STT3A: variants seen among roughly 807,000 people sequenced by gnomAD.
STT3A encodes the protein dolichyl-diphosphooligosaccharide--protein glycosyltransferase subunit STT3A.
In STT3A, 34 loss-of-function variants were observed where a neutral mutation model predicts 89.2. That is an observed-to-expected ratio of 0.38 (90% confidence interval 0.29 to 0.51). STT3A has a LOEUF of 0.51. Ranked by LOEUF, STT3A falls within the 20% of genes least tolerant of loss-of-function variation. STT3A has a pLI of 0.89. For missense variants in STT3A, 555 were observed against 889.5 expected, an observed-to-expected ratio of 0.62 and a Z score of 4.78; for synonymous variants, 282 against 310.3, an observed-to-expected ratio of 0.91 and a Z score of 0.96.
chr11:125,614,225 T>C lies in STT3A; in HGVS notation c.1671+22T>C. ...GCAGGTAAGATAAAGGGATGATCTT[T>C]GAGTGTTTGGTGTACAAGGTCTAAT... On this transcript the variant is annotated intron_variant, in intron 14 of 17. Coordinates refer to ENST00000392708, the MANE Select transcript of STT3A (RefSeq NM_152713.5). The surrounding 1 kb of genome is among the most constrained non-coding windows in gnomAD (Gnocchi z 4.9). 1 of 1,612,786 alleles carries C rather than the reference T, an allele frequency of 6.2e-7. No individual in the cohort carries two copies. Among genetic ancestry groups the C allele is most frequent in the Non-Finnish European group, 8.5e-7 (1 of 1,178,796 alleles).
At position 125,597,236 on chromosome 11, in the gene STT3A, A is replaced by AG. The variant is rs1163876918; in HGVS notation, c.149+120dup. On this transcript the variant is annotated intron_variant, in intron 3 of 17. Coordinates refer to ENST00000392708, the MANE Select transcript of STT3A (RefSeq NM_152713.5). ...TAGAGATGTGCTTTCAGTACATTTA[A>AG]GGGAAAAAAAAACCCTTAAATTCTT... 4 of 1,074,760 alleles carry AG rather than the reference A, an allele frequency of 3.7e-6. No homozygotes were observed. In the East Asian group the frequency reaches 7.1e-5, roughly 19 times the overall value. 66.6% of individuals were successfully genotyped at this position (1,074,760 alleles called of 1,614,324 possible).
intron 3 of STT3A, among the ~76,000 whole-genome samples, chr11:125,599,195 C>G (rs1236876029): frequency 1.3e-5 from 2 of 152,306 alleles, no homozygotes; most frequent in African/African-American, 4.8e-5. Context: ...GTCTGCAACC[C>G]TCATCTCTTC....
At chr11:125,597,844 G>A (rs1404989767) in intron 3 of STT3A, among the ~76,000 whole-genome samples, 1 of 152,168 alleles carries the variant, frequency 6.6e-6, no homozygotes, top group Non-Finnish European at 1.5e-5. Context: ...TTTGTTCCAA[G>A]CACTAATTTA....
At position 125,614,012 on chromosome 11, in the gene STT3A, G is replaced by T; in HGVS notation, c.1555-75G>T. On this transcript the variant is annotated intron_variant, in intron 13 of 17. Coordinates refer to ENST00000392708, the MANE Select transcript of STT3A (RefSeq NM_152713.5). This position sits in a 1 kb window ranked among gnomAD's most constrained non-coding sequence, Gnocchi z 4.9. ...CAGGTGTCACTTCTGTCAGACCAAA[G>T]ATGCCTTCTCTGTTGCATTTGATTT... The T allele has an allele frequency of 7.5e-7, 1 of 1,326,592 alleles. No individual in the cohort carries two copies. 82.2% of individuals were successfully genotyped at this position (1,326,592 alleles called of 1,614,324 possible).
In STT3A at chr11:125,620,935, T is replaced by C. The variant is rs1187247295; in HGVS notation, c.*125T>C. The C allele has an allele frequency of 6.3e-6, 5 of 790,644 alleles. No individual in the cohort carries two copies. Among genetic ancestry groups the C allele is most frequent in the Non-Finnish European group, 9.7e-6 (5 of 514,602 alleles). 49.0% of individuals were successfully genotyped at this position (790,644 alleles called of 1,614,324 possible). On this transcript the variant is annotated 3_prime_UTR_variant, in exon 18 of 18. Transcript: ENST00000392708. ...ACAAAACTGGATGGCATCAGAATTG[T>C]CTGGAAGTTTTGTCTTGGGCAGTAT...
rs1241511750 is a variant in STT3A at position 125,605,630 on chromosome 11, G to C, written c.510G>C (p.Gly170=). 1 of 1,613,188 alleles carries C rather than the reference G, an allele frequency of 6.2e-7. No individual in the cohort carries two copies. The highest frequency in any genetic ancestry group is 1.7e-5 in the Admixed American group (1 of 59,942). Residue 170 remains glycine, a splice_region_variant and synonymous_variant, in exon 7 of 18, where the codon GGG becomes GGC. Transcript: ENST00000392708. ...ATTTTTGGTGTGTCCTTTCTGCAGG[G>C]ATTGCCATCTTTTGCATGCTACTCA... ...RSVAGSYDNE[G]IAIFCMLLTY...
intron 8 of STT3A, among the ~76,000 whole-genome samples, chr11:125,607,068 T>C (rs1409838008): frequency 6.6e-6 from 1 of 152,214 alleles, no homozygotes; most frequent in African/African-American, 2.4e-5. Flanking sequence ...GTGAAAGTGA[T>C]CTGCATTGAG....
Position 125,605,720 on chromosome 11 carries a change from T to C in STT3A, c.600T>C (p.Leu200=). Residue 200 remains leucine (L), a synonymous_variant, in exon 7 of 18, where the codon CTT becomes CTC. Coordinates refer to ENST00000392708, the MANE Select transcript of STT3A (RefSeq NM_152713.5). The part of the protein sequence containing the change: ...GSICWAAKCA[L]AYFYMVSSWG... ...TCTGTTGGGCAGCTAAGTGTGCCCTTGCTTATTTCTACATGGTAACTTTTT... is the reference window on the plus strand; with the variant it reads ...TCTGTTGGGCAGCTAAGTGTGCCCTCGCTTATTTCTACATGGTAACTTTTT... 6.2e-7 allele frequency: 1 copy of C among 1,613,562 alleles called. No homozygotes were observed. The highest frequency in any genetic ancestry group is 8.5e-7 in the Non-Finnish European group (1 of 1,179,636).
chr11:125,608,369 C>T, intron 9 of STT3A, 80 bp downstream of exon 9: 4 of 1,420,338 alleles, frequency 2.8e-6, no homozygotes, highest in Admixed American at 2.4e-5. Flanking sequence ...GGCCGGAGTG[C>T]AGTGGTGCGA....
chr11:125,596,994 A>C, intron 2 of STT3A, 65 bp from the exon 3 acceptor site: 1 of 1,535,756 alleles, frequency 6.5e-7, no homozygotes, highest in Non-Finnish European at 9.0e-7. Flanking sequence ...CTTCATTATA[A>C]TACTATATCT....
At chr11:125,598,097 A>G (rs1939549490) in intron 3 of STT3A, among the ~76,000 whole-genome samples, 1 of 152,208 alleles carries the variant, frequency 6.6e-6, no homozygotes, top group Non-Finnish European at 1.5e-5. Context: ...CCGTAATCCC[A>G]GCTACTCTAG....
chr11:125,609,544 T>G lies in STT3A; in HGVS notation c.1072T>G (p.Ser358Ala). 1 of 1,614,158 alleles carries G rather than the reference T, an allele frequency of 6.2e-7. No individual in the cohort carries two copies. Among genetic ancestry groups the G allele is most frequent in the Non-Finnish European group, 8.5e-7 (1 of 1,180,024 alleles). Residue 358 changes from serine (S) to alanine (A), a missense_variant, in exon 10 of 18, where the codon TCC (serine) becomes GCC (alanine). By Grantham distance (99) the Ser-to-Ala change is moderately conservative. Transcript: ENST00000392708. ...GTCTGAGCATCAGCCCACAACCTGG[T>G]CCTCATACTATTTTGACCTGCAGCT... The part of the protein sequence containing the change: ...SVSEHQPTTW[S>A]SYYFDLQLLV...
At position 125,605,853 on chromosome 11, in the gene STT3A, C is replaced by T. The variant is rs1013922252; in HGVS notation, c.615+118C>T. On this transcript the variant is annotated intron_variant, in intron 7 of 17. Coordinates refer to ENST00000392708, the MANE Select transcript of STT3A (RefSeq NM_152713.5). ...AGGTTCCCCTAAATTTTTTTCTTTT[C>T]CAGTATATTTTTTCTGTTCATACTT... The T allele has an allele frequency of 7.4e-6, 6 of 807,614 alleles. No individual in the cohort carries two copies. In the African/African-American group the frequency reaches 1.0e-4, roughly 14 times the overall value. 50.0% of individuals were successfully genotyped at this position (807,614 alleles called of 1,614,324 possible).
At chr11:125,593,990 A>G (rs1939402070) in intron 1 of STT3A, among the ~76,000 whole-genome samples, 1 of 152,234 alleles carries the variant, frequency 6.6e-6, no homozygotes, top group South Asian at 2.1e-4. Context: ...GTTCTATAGG[A>G]TAACTATTAT....
intron 3 of STT3A, 26 bp downstream of exon 3, chr11:125,597,145 T>A: frequency 6.2e-7 from 1 of 1,613,452 alleles, no homozygotes; most frequent in Non-Finnish European, 8.5e-7. Context: ...TGATCTGGTA[T>A]TATTTCCTTT....
intron 3 of STT3A, among the ~76,000 whole-genome samples, chr11:125,601,867 C>T (rs1263946565): frequency 4.6e-5 from 7 of 151,882 alleles, no homozygotes; most frequent in African/African-American, 9.7e-5. Context: ...GTGGCAATCT[C>T]GGCTCACTGT....
chr11:125,609,872 T>C, intron 10 of STT3A: 1 of 371,772 alleles, frequency 2.7e-6, no homozygotes, highest in Non-Finnish European at 4.8e-6. Flanking sequence ...TGTTTTGTTT[T>C]GTTTGAGTAC....
intron 10 of STT3A, among the ~76,000 whole-genome samples, chr11:125,610,267 G>A (rs1939965652): frequency 6.6e-6 from 1 of 151,986 alleles, no homozygotes; most frequent in Admixed American, 6.6e-5. Flanking sequence ...GTTTTGCCAT[G>A]TTGCCCAGGC....
Position 125,602,876 on chromosome 11 carries a change from CTG to C in STT3A, c.351_352del (p.Phe118ProfsTer49). ...FHITIDIRNV[C>X]VFLAPLFSSF... ...ACATCACCATCGACATTCGGAATGT[CTG>C]TGTGTTCCTGGCCCCTCTCTTCTCC... On this transcript the variant is annotated frameshift_variant, in exon 5 of 18. Coordinates refer to ENST00000392708, the MANE Select transcript of STT3A (RefSeq NM_152713.5). LOFTEE classifies it high-confidence loss of function. 1.2e-6 allele frequency: 2 copies of C among 1,614,110 alleles called. No homozygotes were observed. Among genetic ancestry groups the C allele is most frequent in the Non-Finnish European group, 1.7e-6 (2 of 1,180,032 alleles).
Sources: gnomAD v4.1 joint callset for allele counts (sites outside exome capture counted in the v4.1 genomes callset) on GRCh38, gnomAD v4.1.1 for gene constraint, Gnocchi (gnomAD v3.1) non-coding constraint, MANE v1.5 for transcripts, NCBI Gene and HGNC (gene_info 2026-07-23, HGNC 2026-07-21) for gene names.